Variants in SYNPO2 observed in about 807,000 individuals in gnomAD.
The protein encoded by SYNPO2 is synaptopodin-2.
In SYNPO2, 56 loss-of-function variants were observed where a neutral mutation model predicts 85.0. The ratio of observed to expected loss-of-function variants is 0.66; its 90% confidence interval spans 0.53 to 0.82. SYNPO2 has a LOEUF of 0.82. Among genes scored for constraint, SYNPO2 ranks in the 40% least tolerant of loss-of-function variants. The probability of loss-of-function intolerance (pLI) is 0.00; values close to 1 mark genes in which losing one functional copy is unlikely to be tolerated. For missense variants in SYNPO2, 1,575 were observed against 1,534.2 expected, an observed-to-expected ratio of 1.03 and a Z score of -0.44; for synonymous variants, 602 against 591.1, an observed-to-expected ratio of 1.02 and a Z score of -0.27.
intron 1 of SYNPO2, among the ~76,000 whole-genome samples, chr4:118,924,408 C>A (rs906283211): frequency 6.6e-6 from 1 of 152,170 alleles, no homozygotes; most frequent in African/African-American, 2.4e-5. Flanking sequence ...GAATTATGAG[C>A]ATTCTGAGTA....
chr4:118,932,312 A>C (rs1351847570), intron 1 of SYNPO2, among the ~76,000 whole-genome samples: 1 of 152,210 alleles, frequency 6.6e-6, no homozygotes, highest in Non-Finnish European at 1.5e-5. Flanking sequence ...GGTGGAATTC[A>C]AAAGAAGATA....
At chr4:118,869,651 C>G (rs1731766762) in intron 1 of SYNPO2, among the ~76,000 whole-genome samples, 1 of 152,080 alleles carries the variant, frequency 6.6e-6, no homozygotes, top group Non-Finnish European at 1.5e-5. Context: ...AAAAAAACTC[C>G]CAAGTTCCTA....
intron 1 of SYNPO2, among the ~76,000 whole-genome samples, chr4:118,859,759 G>A (rs771879861): frequency 1.3e-5 from 2 of 152,000 alleles, no homozygotes; most frequent in African/African-American, 2.4e-5. Context: ...TCTTTTCTAC[G>A]GCTGAATAGT....
At chr4:118,953,800 A>G (rs10025067) in intron 1 of SYNPO2, among the ~76,000 whole-genome samples, 10,343 of 152,274 alleles carry the variant, frequency 0.068, 379 homozygotes, top group Middle Eastern at 0.17. Flanking sequence ...CCAGCATAAA[A>G]TAAGGTATTG....
chr4:118,881,346 C>T (rs1263693071), intron 1 of SYNPO2, among the ~76,000 whole-genome samples: 3 of 151,818 alleles, frequency 2.0e-5, no homozygotes, highest in African/African-American at 7.3e-5. Context: ...AGATATAGAC[C>T]TGTCCAGAGG....
At chr4:118,921,669 A>G (rs1733541107) in intron 1 of SYNPO2, among the ~76,000 whole-genome samples, 1 of 152,138 alleles carries the variant, frequency 6.6e-6, no homozygotes, top group Non-Finnish European at 1.5e-5. Flanking sequence ...AATTTGGAAA[A>G]ATAGATCCTT....
chr4:118,891,244 G>T (rs901171463), intron 1 of SYNPO2, among the ~76,000 whole-genome samples: 2 of 151,988 alleles, frequency 1.3e-5, no homozygotes, highest in Non-Finnish European at 2.9e-5. Context: ...TGTTTGCTTT[G>T]CTTTTGTAGT....
intron 1 of SYNPO2, among the ~76,000 whole-genome samples, chr4:118,883,454 G>A (rs1732146522): frequency 6.6e-6 from 1 of 152,162 alleles, no homozygotes; most frequent in Admixed American, 6.5e-5. Context: ...GAATATATGT[G>A]TTTCATAATG....
chr4:119,005,949 A>G (rs939209217), intron 1 of SYNPO2: 1 of 152,228 alleles, frequency 6.6e-6, no homozygotes, highest in Non-Finnish European at 1.5e-5. Flanking sequence ...AAGATGATAA[A>G]TGGTTTCCTA....
chr4:118,921,459 A>G (rs1375879859), intron 1 of SYNPO2, among the ~76,000 whole-genome samples: 1 of 152,064 alleles, frequency 6.6e-6, no homozygotes, highest in Non-Finnish European at 1.5e-5. Context: ...GATTAAAATC[A>G]TTTGGAAGCT....
Position 119,058,145 on chromosome 4 carries a change from C to A in SYNPO2, c.*211C>A. 2.7e-6 allele frequency: 1 copy of A among 376,054 alleles called. No individual in the cohort carries two copies. 23.3% of individuals were successfully genotyped at this position (376,054 alleles called of 1,614,324 possible). ...ACACACACACAGGTGAGTGTGAATA[C>A]TTCCTTGTTGGCTGATCCATAGAGC... is the stretch of plus-strand genomic sequence containing the variant. On this transcript the variant is annotated 3_prime_UTR_variant, in exon 5 of 5. Coordinates refer to ENST00000307142, the MANE Select transcript of SYNPO2 (RefSeq NM_133477.3).
chr4:118,976,977 G>C (rs551798224), intron 1 of SYNPO2, among the ~76,000 whole-genome samples: 2 of 152,370 alleles, frequency 1.3e-5, no homozygotes, highest in South Asian at 2.1e-4. Flanking sequence ...CAGGAACCCA[G>C]CTGGCTTCAC....
chr4:118,990,635 A>G (rs6825249), intron 1 of SYNPO2, among the ~76,000 whole-genome samples: 55,277 of 151,952 alleles, frequency 0.36, 10,184 homozygotes, highest in Admixed American at 0.41. Context: ...TTGAGACAGA[A>G]TCTCGCTCGG....
intron 1 of SYNPO2, among the ~76,000 whole-genome samples, chr4:118,915,899 G>A (rs1733301810): frequency 6.6e-6 from 1 of 151,842 alleles, no homozygotes; most frequent in South Asian, 2.1e-4. Flanking sequence ...GATATAAAAT[G>A]GTACCTAATT....
intron 1 of SYNPO2, among the ~76,000 whole-genome samples, chr4:118,873,920 G>A (rs1472353987): frequency 1.8e-5 from 2 of 110,976 alleles, no homozygotes; most frequent in African/African-American, 3.1e-5. Flanking sequence ...TTTTCCCACT[G>A]GCATTTATTA....
At chr4:118,955,681 A>C (rs1734850225) in intron 1 of SYNPO2, among the ~76,000 whole-genome samples, 1 of 152,218 alleles carries the variant, frequency 6.6e-6, no homozygotes, top group Non-Finnish European at 1.5e-5. Context: ...AACAGTCTCA[A>C]GTAGAGAAAG....
At chr4:119,057,309 C>A in intron 4 of SYNPO2, 92 bp from the exon 5 acceptor site, 1 of 1,218,028 alleles carries the variant, frequency 8.2e-7, no homozygotes, top group Non-Finnish European at 1.1e-6. Flanking sequence ...TTTATTTTTG[C>A]AGTGCTTGGT....
At chr4:118,978,532 TCA>T (rs1735878214) in intron 1 of SYNPO2, among the ~76,000 whole-genome samples, 1 of 152,164 alleles carries the variant, frequency 6.6e-6, no homozygotes, top group Admixed American at 6.5e-5. Context: ...TTATGAATAA[TCA>T]GGGTAATTTA....
At chr4:118,908,395 A>G (rs983153937) in intron 1 of SYNPO2, among the ~76,000 whole-genome samples, 4 of 152,196 alleles carry the variant, frequency 2.6e-5, no homozygotes, top group Admixed American at 2.0e-4. Flanking sequence ...ACATACTTCC[A>G]TTTCTAAACA....
Sources: gnomAD v4.1 joint callset for allele counts (sites outside exome capture counted in the v4.1 genomes callset) on GRCh38, gnomAD v4.1.1 for gene constraint, MANE v1.5 for transcripts, NCBI Gene and HGNC (gene_info 2026-07-23, HGNC 2026-07-21) for gene names.